Variants in KCNH3 observed in about 807,000 individuals in gnomAD.
The protein encoded by KCNH3 is potassium voltage-gated channel subfamily H member 3, also known as voltage-gated inwardly rectifying potassium channel KCNH3.
Under a neutral mutation model 95.6 loss-of-function variants are expected in KCNH3, and 36 were observed. The ratio of observed to expected loss-of-function variants is 0.38; its 90% CI spans 0.29 to 0.50. The LOEUF (loss-of-function observed/expected upper bound fraction) is 0.50. Ranked by LOEUF, KCNH3 falls within the 20% of genes least tolerant of loss-of-function variation. The pLI is 0.95. For missense variants in KCNH3, 1,030 were observed against 1,484.1 expected, an observed-to-expected ratio of 0.69 and a Z score of 5.03; for synonymous variants, 620 against 646.3, an observed-to-expected ratio of 0.96 and a Z score of 0.62.
intron 3 of KCNH3, 26 bp downstream of exon 3, chr12:49,541,790 G>A (rs777296173): frequency 5.0e-6 from 8 of 1,612,444 alleles, no homozygotes; most frequent in African/African-American, 4.0e-5. Context: ...TGCTGTGGTC[G>A]GGGTATTGGG....
Position 49,540,895 on chromosome 12 carries a change from G to C in KCNH3, c.77-4G>C, listed in dbSNP as rs1437384727. ...CGCCTCCTCTGAGAAGTGCTCTCTTGCAGACAGTAACTTCGTGCTGGGCAA... is the reference window on the plus strand; with the variant it reads ...CGCCTCCTCTGAGAAGTGCTCTCTTCCAGACAGTAACTTCGTGCTGGGCAA... On this transcript the variant is annotated splice_region_variant and splice_polypyrimidine_tract_variant and intron_variant, in intron 1 of 14. Transcript: ENST00000257981. The C allele has an allele frequency of 1.2e-6, 2 of 1,613,526 alleles. No individual in the cohort carries two copies. The highest frequency in any genetic ancestry group is 3.3e-5 in the Admixed American group (2 of 60,026).
rs1938507410 is a variant in KCNH3, at chr12:49,557,380, G to A, written c.2679G>A (p.Leu893=). 2.5e-6 allele frequency: 4 copies of A among 1,601,260 alleles called. No homozygotes were observed. The highest frequency in any genetic ancestry group is 3.4e-6 in the Non-Finnish European group (4 of 1,171,496). ...TGACAGAGCTGTCAGAGCAGGTGCT[G>A]CAGATGCGGGAAGGACTGCAGTCAC... is the stretch of plus-strand genomic sequence containing the variant. ...QAVTELSEQV[L]QMREGLQSLR... Residue 893 remains leucine (L), a synonymous_variant, in exon 15 of 15, where the codon CTG becomes CTA. Transcript: ENST00000257981.
chr12:49,542,964 G>T (rs997535388), intron 4 of KCNH3, 125 bp downstream of exon 4: 1 of 1,288,788 alleles, frequency 7.8e-7, no homozygotes, highest in East Asian at 2.5e-5. Flanking sequence ...CACTTTGGGG[G>T]TTGGGACTGA....
Position 49,557,498 on chromosome 12 carries a change from G to A in KCNH3, c.2797G>A (p.Gly933Arg), listed in dbSNP as rs748380609. The A allele has an allele frequency of 2.5e-5, 41 of 1,611,480 alleles. 1 individual carries two copies. The highest frequency in any genetic ancestry group is 5.0e-5 in the Admixed American group (3 of 59,986). ...GEGPCPASTSGLLQPLCVDTG... is the reference protein window; with the variant it reads ...GEGPCPASTSRLLQPLCVDTG... ...GGGGCCGTGCCCAGCCAGCACCTCCGGGCTTCTGCAGCCTCTGTGTGTGGA... is the reference window on the plus strand; with the variant it reads ...GGGGCCGTGCCCAGCCAGCACCTCCAGGCTTCTGCAGCCTCTGTGTGTGGA... The change falls in exon 15 of 15, where the codon GGG (glycine) becomes AGG (arginine). Residue 933 changes from glycine to arginine, a missense_variant. By Grantham distance (125) the Gly-to-Arg change is moderately radical (BLOSUM62 -2). This residue lies in a region of KCNH3 where 464 missense variants were observed against 493.2 expected (regional missense o/e 0.94). Coordinates refer to ENST00000257981, the MANE Select transcript of KCNH3 (RefSeq NM_012284.3).
intron 10 of KCNH3, among the ~76,000 whole-genome samples, chr12:49,551,574 CAAAAAAAAAAA>C (rs59344956): frequency 1.7e-5 from 1 of 57,556 alleles, no homozygotes; most frequent in East Asian, 5.8e-4. Flanking sequence ...GACTCTGTCT[CAAAAAAAAAAA>C]AAAAAAAAAA....
rs182069396 is a variant in KCNH3, at chr12:49,552,699, G to A, written c.1919-1638G>A. On this transcript the variant is annotated intron_variant, in intron 10 of 14. Coordinates refer to ENST00000257981, the MANE Select transcript of KCNH3 (RefSeq NM_012284.3). Reference sequence around the variant, plus strand: ...TAGTTTGATGAGCTGCACCTGGTGGGCAGTCTCTGGTCCTGAGACTCTGCC... The same window carrying A: ...TAGTTTGATGAGCTGCACCTGGTGGACAGTCTCTGGTCCTGAGACTCTGCC... 1.4e-4 allele frequency among the ~76,000 whole-genome samples: 21 copies of A among 152,294 alleles called. No individual in the cohort carries two copies. In the East Asian group the frequency reaches 4.1e-3, roughly 29 times the overall value.
In KCNH3 at chr12:49,544,482, G is replaced by T. The variant is rs912308536; in HGVS notation, c.1189+100G>T. 19 of 1,162,728 alleles carry T rather than the reference G, an allele frequency of 1.6e-5. No homozygotes were observed. In the East Asian group the frequency reaches 3.5e-4, roughly 22 times the overall value. 72.0% of individuals were successfully genotyped at this position (1,162,728 alleles called of 1,614,324 possible). ...ATGTGTGGTGTCCCTACCTGTGCAA[G>T]TCTGCACGTGTGCAAATCAGAGAAG... On this transcript the variant is annotated intron_variant, in intron 7 of 14. Coordinates refer to ENST00000257981, the MANE Select transcript of KCNH3 (RefSeq NM_012284.3).
chr12:49,551,317 T>G (rs1938250507), intron 10 of KCNH3, among the ~76,000 whole-genome samples: 2 of 152,120 alleles, frequency 1.3e-5, no homozygotes, highest in Admixed American at 6.5e-5. Context: ...AGCTCAAGCC[T>G]ATAATTCCAG....
intron 11 of KCNH3, among the ~76,000 whole-genome samples, chr12:49,555,095 G>A (rs1289761515): frequency 1.3e-5 from 2 of 151,992 alleles, no homozygotes; most frequent in Non-Finnish European, 2.9e-5. Context: ...AATTTTGAGA[G>A]GTAGTTAACA....
chr12:49,543,263 T>C lies in KCNH3; in HGVS notation c.580-12T>C. 6.2e-7 allele frequency: 1 copy of C among 1,612,796 alleles called. No individual in the cohort carries two copies. Among genetic ancestry groups the C allele is most frequent in the Non-Finnish European group, 8.5e-7 (1 of 1,179,798 alleles). ...CTTTCCTCTCTGCCTGGACCTGCCC[T>C]GCCTCACTCAGGGGGTGTTTGGGGA... is the stretch of plus-strand genomic sequence containing the variant. On this transcript the variant is annotated splice_polypyrimidine_tract_variant and intron_variant, in intron 4 of 14. Transcript: ENST00000257981.
chr12:49,544,183 G>A lies in KCNH3; in HGVS notation c.990G>A (p.Gly330=). ...LHAFKVNVYF[G]AHLLKTVRLL... The stretch of plus-strand genomic sequence containing the variant: ...CCCTCCCCGCATCTCAGTACTTCGG[G>A]GCCCATCTGCTGAAGACGGTGCGCC... Residue 330 remains glycine (G), a synonymous_variant, in exon 7 of 15, where the codon GGG becomes GGA. Transcript: ENST00000257981. The A allele has an allele frequency of 3.8e-6, 6 of 1,583,054 alleles. No homozygotes were observed. The highest frequency in any genetic ancestry group is 5.1e-6 in the Non-Finnish European group (6 of 1,172,072).
At chr12:49,554,669 C>G in intron 11 of KCNH3, 115 bp downstream of exon 11, 3 of 917,952 alleles carry the variant, frequency 3.3e-6, no homozygotes, top group Non-Finnish European at 5.0e-6. Flanking sequence ...GGTATGAAAG[C>G]TCCCACCTTG....
At chr12:49,551,552 G>T (rs548367622) in intron 10 of KCNH3, among the ~76,000 whole-genome samples, 1 of 147,906 alleles carries the variant, frequency 6.8e-6, no homozygotes, top group South Asian at 2.2e-4. Flanking sequence ...CTCCAGCCTG[G>T]GCGATAAGCG....
intron 7 of KCNH3, 49 bp downstream of exon 7, chr12:49,544,431 G>A (rs372252742): frequency 2.0e-5 from 31 of 1,576,786 alleles, no homozygotes; most frequent in Middle Eastern, 4.1e-4. Flanking sequence ...TGTGTCAGAG[G>A]AGTGTGAGTG....
chr12:49,540,836 G>C (rs746718845), intron 1 of KCNH3, 63 bp from the exon 2 acceptor site: 3 of 1,340,326 alleles, frequency 2.2e-6, no homozygotes, highest in Non-Finnish European at 3.2e-6. Flanking sequence ...ATTTGAGAAA[G>C]GAGGGGTGGT....
Position 49,549,037 on chromosome 12 carries a change from C to A in KCNH3, c.1332C>A (p.Gly444=). The A allele has an allele frequency of 6.2e-7, 1 of 1,612,026 alleles. No homozygotes were observed. Among genetic ancestry groups the A allele is most frequent in the African/African-American group, 1.3e-5 (1 of 75,034 alleles). Residue 444 remains glycine, a synonymous_variant, in exon 8 of 15, where the codon GGC becomes GGA. Transcript: ENST00000257981. ...EANGTGLELL[G]GPSLRSAYIT... ...ACGGGACGGGGCTGGAGCTGCTGGG[C>A]GGCCCGTCGCTGCGCAGCGCCTACA... is the stretch of plus-strand genomic sequence containing the variant.
rs1240210725 is a variant in KCNH3, at chr12:49,549,457, G to C, written c.1485G>C (p.Val495=). The C allele has an allele frequency of 6.2e-7, 1 of 1,613,392 alleles. No homozygotes were observed. Among genetic ancestry groups the C allele is most frequent in the African/African-American group, 1.3e-5 (1 of 74,938 alleles). ...TMLIGALMHA[V]VFGNVTAIIQ... Reference sequence around the variant, plus strand: ...CTCCCCCAGCCCTGATGCACGCGGTGGTGTTTGGGAACGTGACGGCCATCA... The same window carrying C: ...CTCCCCCAGCCCTGATGCACGCGGTCGTGTTTGGGAACGTGACGGCCATCA... Residue 495 remains valine, a synonymous_variant, in exon 9 of 15, where the codon GTG becomes GTC. Transcript: ENST00000257981.
chr12:49,557,374 G>A lies in KCNH3; in HGVS notation c.2673G>A (p.Gln891=), dbSNP rs1355989630. Residue 891 remains glutamine, a synonymous_variant, in exon 15 of 15, where the codon CAG becomes CAA. Transcript: ENST00000257981. The part of the protein sequence containing the change: ...LRQAVTELSE[Q]VLQMREGLQS... ...CAAAGGTGACAGAGCTGTCAGAGCA[G>A]GTGCTGCAGATGCGGGAAGGACTGC... 8 of 1,603,114 alleles carry A rather than the reference G, an allele frequency of 5.0e-6. No homozygotes were observed. The African/African-American group carries it at 1.1e-4, about 21-fold the overall frequency.
At position 49,543,943 on chromosome 12, in the gene KCNH3, C is replaced by T. The variant is rs767907185; in HGVS notation, c.852C>T (p.Phe284=). ...TTGTGCTGAATTTCCGTACCACATT[C>T]GTGTCCAAGTCGGGCCAGGTGGTGT... is the stretch of plus-strand genomic sequence containing the variant. ...LDIVLNFRTT[F]VSKSGQVVFA... The change falls in exon 6 of 15, where the codon TTC becomes TTT. Residue 284 remains phenylalanine, a synonymous_variant. Transcript: ENST00000257981. The T allele has an allele frequency of 2.5e-6, 4 of 1,612,006 alleles. No individual in the cohort carries two copies. The highest frequency in any genetic ancestry group is 1.7e-5 in the Admixed American group (1 of 59,982).
Sources: allele counts gnomAD v4.1 joint callset (sites outside exome capture counted in the v4.1 genomes callset), GRCh38; gene constraint gnomAD v4.1.1; regional missense constraint gnomAD v4.1.1; transcripts MANE v1.5; gene names NCBI Gene and HGNC (gene_info 2026-07-23, HGNC 2026-07-21).